SULT2B1: variants seen among roughly 807,000 people sequenced by gnomAD.
SULT2B1 encodes the protein sulfotransferase 2B1.
SULT2B1 carries 16 observed loss-of-function variants against 33.2 expected under a neutral mutation model. That is an observed-to-expected ratio of 0.48 (90% confidence interval 0.33 to 0.73). The LOEUF (loss-of-function observed/expected upper bound fraction) is 0.73, where lower values mean the gene tolerates loss of function less well. Among genes scored for constraint, SULT2B1 ranks in the 30% least tolerant of loss-of-function variants. SULT2B1 has a pLI of 0.02. For synonymous variants in SULT2B1, 186 were observed against 200.5 expected (o/e 0.93, Z 0.61); for missense variants, 500 against 506.0 (o/e 0.99, Z 0.11).
At chr19:48,571,433 G>A (rs1973327032) in intron 1 of SULT2B1, among the ~76,000 whole-genome samples, 1 of 151,718 alleles carries the variant, frequency 6.6e-6, no homozygotes, top group African/African-American at 2.4e-5. Flanking sequence ...CTGACCTCAG[G>A]TGATCCGCCC....
intron 3 of SULT2B1, among the ~76,000 whole-genome samples, chr19:48,588,480 C>G (rs1477099832): frequency 6.7e-6 from 1 of 148,956 alleles, no homozygotes; most frequent in Non-Finnish European, 1.5e-5. Flanking sequence ...CCATTGCACT[C>G]CAGCCTGGGC....
intron 6 of SULT2B1, 78 bp downstream of exon 6, chr19:48,596,997 G>T: frequency 3.6e-6 from 5 of 1,405,694 alleles, no homozygotes; most frequent in Non-Finnish European, 4.8e-6. Context: ...TAACCTCTCT[G>T]GGCCTCAGTT....
chr19:48,569,166 C>A (rs891043523), intron 1 of SULT2B1, among the ~76,000 whole-genome samples: 1 of 150,832 alleles, frequency 6.6e-6, no homozygotes, highest in African/African-American at 2.4e-5. Flanking sequence ...CATGGTGAAA[C>A]CCTGTCTCTA....
Position 48,552,876 on chromosome 19 carries a change from C to T in SULT2B1, c.71+553C>T, listed in dbSNP as rs1468221921. ...GGTTAGGGCAGAGCACTGCCCACTT[C>T]CATGAGCTCAGCGTGACTCCCTCTT... On this transcript the variant is annotated intron_variant, in intron 1 of 6. Coordinates refer to ENST00000201586, the MANE Select transcript of SULT2B1 (RefSeq NM_177973.2). The surrounding 1 kb of genome is among the most constrained non-coding windows in gnomAD (Gnocchi z 4.8). Among the ~76,000 whole-genome samples, 1 of 152,122 alleles carries T rather than the reference C, an allele frequency of 6.6e-6. No individual in the cohort carries two copies. The highest frequency in any genetic ancestry group is 6.6e-5 in the Admixed American group (1 of 15,260).
intron 1 of SULT2B1, among the ~76,000 whole-genome samples, chr19:48,556,186 T>C (rs1973098264): frequency 1.3e-5 from 2 of 152,118 alleles, no homozygotes; most frequent in South Asian, 4.1e-4. Context: ...CACGGGCAAT[T>C]TAGGATTTTT....
intron 2 of SULT2B1, among the ~76,000 whole-genome samples, chr19:48,583,904 G>T (rs997853350): frequency 6.6e-6 from 1 of 152,108 alleles, no homozygotes; most frequent in African/African-American, 2.4e-5. Flanking sequence ...ACGAGGTGAA[G>T]AGATTGAGAT....
chr19:48,594,154 G>A lies in SULT2B1; in HGVS notation c.645+1338G>A, dbSNP rs1340433440. The stretch of plus-strand genomic sequence containing the variant: ...CGGGCGCCTGTAGCCCCAGCTACTC[G>A]GGAGGCTGAGGCAGGAGAATCGCTT... On this transcript the variant is annotated intron_variant, in intron 5 of 6. Transcript: ENST00000201586. Among the ~76,000 whole-genome samples, 7 of 151,910 alleles carry A rather than the reference G, an allele frequency of 4.6e-5. No homozygotes were observed. In the East Asian group the frequency reaches 5.9e-4, roughly 13 times the overall value.
chr19:48,555,488 TTCTCTC>T (rs982985959), intron 1 of SULT2B1, among the ~76,000 whole-genome samples: 2 of 144,254 alleles, frequency 1.4e-5, no homozygotes, highest in Non-Finnish European at 3.0e-5. Flanking sequence ...CAGAGACATC[TTCTCTC>T]TCTCTCTCTC....
At chr19:48,555,351 C>T (rs1973084021) in intron 1 of SULT2B1, among the ~76,000 whole-genome samples, 1 of 152,216 alleles carries the variant, frequency 6.6e-6, no homozygotes, top group South Asian at 2.1e-4. Flanking sequence ...CTTGGTCTCC[C>T]AAAGTGCAGG....
intron 1 of SULT2B1, among the ~76,000 whole-genome samples, chr19:48,558,677 TTC>T (rs1973135700): frequency 1.5e-5 from 2 of 136,466 alleles, no homozygotes; most frequent in African/African-American, 6.0e-5. Flanking sequence ...TTCTTTTCTT[TTC>T]TTTTTTTTTT....
At chr19:48,561,783 G>C (rs999549582) in intron 1 of SULT2B1, among the ~76,000 whole-genome samples, 5 of 152,104 alleles carry the variant, frequency 3.3e-5, no homozygotes, top group African/African-American at 7.2e-5. Flanking sequence ...ATGTGGGTGA[G>C]ATGCTCTACA....
chr19:48,564,501 G>T (rs1188756286), intron 1 of SULT2B1, among the ~76,000 whole-genome samples: 17 of 128,252 alleles, frequency 1.3e-4, no homozygotes, highest in Non-Finnish European at 3.1e-5. Context: ...GCAGTGAGCC[G>T]AGATCACACC....
At chr19:48,590,394 G>T (rs62130306) in intron 3 of SULT2B1, among the ~76,000 whole-genome samples, 32,825 of 151,876 alleles carry the variant, frequency 0.22, 3,625 homozygotes, top group Non-Finnish European at 0.24. Flanking sequence ...TTGAGGCCGG[G>T]AGTTTGAGAC....
At chr19:48,569,363 CATATATAT>C (rs1159840741) in intron 1 of SULT2B1, among the ~76,000 whole-genome samples, 141 of 33,238 alleles carry the variant, frequency 4.2e-3, no homozygotes, top group Middle Eastern at 0.025. Context: ...AAAAAAAAAA[CATATATAT>C]ATATATATAT....
intron 2 of SULT2B1, among the ~76,000 whole-genome samples, chr19:48,581,890 A>ATTT (rs1387045137): frequency 7.3e-6 from 1 of 137,724 alleles, no homozygotes; most frequent in African/African-American, 2.7e-5. Flanking sequence ...TATTATTATT[A>ATTT]TATTATTATT....
Position 48,599,121 on chromosome 19 carries a change from C to T in SULT2B1, c.827-14C>T, listed in dbSNP as rs749059120. The T allele has an allele frequency of 7.0e-6, 11 of 1,561,958 alleles. No individual in the cohort carries two copies. The African/African-American group carries it at 1.4e-4, about 19-fold the overall frequency. Reference sequence around the variant, plus strand: ...CCAGAGGCTCCTCACCCCCTGGTGCCCCCTCTTCTCCAGGGGTCTGCGGCG... The same window carrying T: ...CCAGAGGCTCCTCACCCCCTGGTGCTCCCTCTTCTCCAGGGGTCTGCGGCG... On this transcript the variant is annotated splice_polypyrimidine_tract_variant and intron_variant, in intron 6 of 6. Coordinates refer to ENST00000201586, the MANE Select transcript of SULT2B1 (RefSeq NM_177973.2). The surrounding 1 kb of genome is among the most constrained non-coding windows in gnomAD (Gnocchi z 4.1).
rs571218802 is a variant in SULT2B1 at position 48,592,610 on chromosome 19, G to A, written c.551-112G>A. On this transcript the variant is annotated intron_variant, in intron 4 of 6. Coordinates refer to ENST00000201586, the MANE Select transcript of SULT2B1 (RefSeq NM_177973.2). ...GCTCTGGGGGAGGGCATCCAGCTCT[G>A]GGGGCTGGACCTGGGGGTTTGTGGG... 4 of 885,366 alleles carry A rather than the reference G, an allele frequency of 4.5e-6. No homozygotes were observed. The South Asian group carries it at 6.1e-5, about 13-fold the overall frequency. 54.8% of individuals were successfully genotyped at this position (885,366 alleles called of 1,614,324 possible).
At position 48,591,346 on chromosome 19, in the gene SULT2B1, C is replaced by T; in HGVS notation, c.424-263C>T. 7 of 317,242 alleles carry T rather than the reference C, an allele frequency of 2.2e-5. No individual in the cohort carries two copies. The South Asian group carries it at 2.3e-4, about 11-fold the overall frequency. 19.7% of individuals were successfully genotyped at this position (317,242 alleles called of 1,614,324 possible). A position where few individuals can be genotyped will look rare whatever the true frequency, so the allele number is the denominator to read the frequency against. On this transcript the variant is annotated intron_variant, in intron 3 of 6. Transcript: ENST00000201586. ...ATTATCCTGATGTGGTGGCACGCTC[C>T]TGTAGTCCCAGCTACTCAGGAGGCT...
chr19:48,596,607 G>C, intron 5 of SULT2B1, 132 bp from the exon 6 acceptor site: 1 of 959,966 alleles, frequency 1.0e-6, no homozygotes, highest in Non-Finnish European at 1.5e-6. Context: ...TTTGGAGTTG[G>C]GGAAACTGAG....
Sources: allele counts gnomAD v4.1 joint callset (sites outside exome capture counted in the v4.1 genomes callset), GRCh38; gene constraint gnomAD v4.1.1; non-coding constraint Gnocchi (gnomAD v3.1); transcripts MANE v1.5; gene names NCBI Gene and HGNC (gene_info 2026-07-23, HGNC 2026-07-21).